The following SLC9A6 variants were observed in gnomAD, a reference collection of about 807,000 sequenced individuals.
SLC9A6 encodes sodium/hydrogen exchanger 6.
In SLC9A6, 6 loss-of-function variants were observed where a neutral mutation model predicts 45.3. The ratio of observed to expected loss-of-function variants is 0.13; its 90% CI spans 0.07 to 0.26. SLC9A6 has a LOEUF of 0.26. SLC9A6 is among the 10% of genes least tolerant of loss of function. The probability of loss-of-function intolerance (pLI) is 1.00; values close to 1 mark genes in which losing one functional copy is unlikely to be tolerated. For synonymous variants in SLC9A6, 191 were observed against 187.7 expected, an observed-to-expected ratio of 1.02 and a Z score of -0.14; for missense variants, 278 against 503.7, an observed-to-expected ratio of 0.55 and a Z score of 4.29.
At chrX:135,976,516 C>T (rs1178575519) in intron 1 of SLC9A6, among the ~76,000 whole-genome samples, 2 of 108,768 alleles carry the variant, frequency 1.8e-5, no homozygotes, top group African/African-American at 6.7e-5. Flanking sequence ...GCAGGAGAAT[C>T]GCTTGAACCC....
Position 136,045,026 on chromosome X carries a change from CT to C in SLC9A6, c.*305del. The stretch of plus-strand genomic sequence containing the variant: ...AAGTGTAAAAAGTGACGGATTTTCT[CT>C]TTCTTAAACTTACCTGACACTTAAC... On this transcript the variant is annotated 3_prime_UTR_variant, in exon 18 of 18. Transcript: ENST00000630721. 8.1e-6 allele frequency: 2 copies of C among 245,949 alleles called. No homozygotes were observed. The highest frequency in any genetic ancestry group is 1.5e-5 in the Non-Finnish European group (2 of 137,492). The allele number at this position is 245,949 out of a possible 1,213,427, so 20.3% of individuals were successfully genotyped here.
intron 10 of SLC9A6, among the ~76,000 whole-genome samples, chrX:136,014,214 G>C (rs192918534): frequency 8.9e-6 from 1 of 112,171 alleles, no homozygotes; most frequent in Non-Finnish European, 1.9e-5. Context: ...TGTGGGATTC[G>C]CCTGAAAAGG....
intron 17 of SLC9A6, among the ~76,000 whole-genome samples, chrX:136,043,980 A>G (rs2071555908): frequency 8.9e-6 from 1 of 111,898 alleles, no homozygotes; most frequent in South Asian, 3.8e-4. Flanking sequence ...TCTTGAGGGC[A>G]GATTGATACA....
At chrX:136,035,919 ATTTTTTTT>A (rs200801813) in intron 16 of SLC9A6, among the ~76,000 whole-genome samples, 1 of 90,865 alleles carries the variant, frequency 1.1e-5, no homozygotes, top group Non-Finnish European at 2.2e-5. Context: ...ACACCCAGCT[ATTTTTTTT>A]TTTTTTTTTC....
At chrX:136,024,305 A>C (rs2071191483) in intron 12 of SLC9A6, 25 bp from the exon 13 acceptor site, 2 of 1,207,432 alleles carry the variant, frequency 1.7e-6, no homozygotes, top group Non-Finnish European at 2.2e-6. Flanking sequence ...GTTATTGAAG[A>C]AATACCTTTT....
rs150729923 is a variant in SLC9A6, at chrX:136,000,921, G to A, written c.638-1187G>A. Among the ~76,000 whole-genome samples, 834 of 111,204 alleles carry A rather than the reference G, an allele frequency of 7.5e-3. 5 individuals are homozygous for A. The highest frequency in any genetic ancestry group is 0.01 in the Non-Finnish European group (550 of 53,025). On this transcript the variant is annotated intron_variant, in intron 6 of 17. Coordinates refer to ENST00000630721, the MANE Select transcript of SLC9A6 (RefSeq NM_001379110.1). ...GATCACTTGAACCTAGGGGTTTGAG[G>A]CTGCAGTGAACTGTGATTGTGCCAC...
At chrX:135,991,975 A>G (rs2089439226) in intron 2 of SLC9A6, among the ~76,000 whole-genome samples, 1 of 111,229 alleles carries the variant, frequency 9.0e-6, no homozygotes, top group Admixed American at 9.6e-5. Flanking sequence ...TCTGACTTCA[A>G]CCATCTTATG....
intron 6 of SLC9A6, among the ~76,000 whole-genome samples, chrX:136,000,448 G>A (rs188323687): frequency 3.9e-4 from 43 of 110,382 alleles, no homozygotes; most frequent in African/African-American, 1.4e-3. Context: ...GCAAGGAGCC[G>A]GTGGTCTCTG....
chrX:136,000,124 G>A (rs1020515133), intron 6 of SLC9A6, among the ~76,000 whole-genome samples: 1 of 108,015 alleles, frequency 9.3e-6, no homozygotes, highest in African/African-American at 3.4e-5. Context: ...GGGAGTGCGT[G>A]CCTGTAGTCC....
At chrX:136,018,273 T>A (rs1048852252) in intron 11 of SLC9A6, among the ~76,000 whole-genome samples, 2 of 111,635 alleles carry the variant, frequency 1.8e-5, no homozygotes, top group Admixed American at 1.9e-4. Context: ...AGTGGGAGAA[T>A]AAGTTGACCA....
chrX:136,041,907 G>A (rs144395183), intron 17 of SLC9A6, among the ~76,000 whole-genome samples: 318 of 111,356 alleles, frequency 2.9e-3, no homozygotes, highest in African/African-American at 0.01. Context: ...TGGCTATCTT[G>A]GACCTTCCTT....
At position 136,045,520 on chromosome X, in the gene SLC9A6, G is replaced by A. The variant is rs1007960970; in HGVS notation, c.*796G>A. The A allele has an allele frequency of 3.6e-5, 4 of 111,886 alleles. No individual in the cohort carries two copies. Among genetic ancestry groups the A allele is most frequent in the African/African-American group, 1.3e-4 (4 of 30,691 alleles). 9.2% of individuals were successfully genotyped at this position (111,886 alleles called of 1,213,427 possible). A position where few individuals can be genotyped will look rare whatever the true frequency, so the allele number is the denominator to read the frequency against. On this transcript the variant is annotated 3_prime_UTR_variant, in exon 18 of 18. Transcript: ENST00000630721. ...CTGGGGTGGGCAGAGAGCAAGAGGC[G>A]AGTAAAGAGAATGGTGGTTTCAGAG... is the stretch of plus-strand genomic sequence containing the variant.
chrX:135,985,403 A>T (rs1195582128), upstream of SLC9A6: 1 of 537,316 alleles, frequency 1.9e-6, no homozygotes, highest in South Asian at 7.9e-5. Flanking sequence ...GCGCGCTCCG[A>T]CGGCTACCCC....
At chrX:135,977,169 G>A (rs1251134050) in intron 1 of SLC9A6, among the ~76,000 whole-genome samples, 2 of 112,270 alleles carry the variant, frequency 1.8e-5, no homozygotes, top group East Asian at 5.6e-4. Context: ...AACCTCATGA[G>A]AAAGTGCATT....
chrX:136,001,269 G>A (rs1474732883), intron 6 of SLC9A6, among the ~76,000 whole-genome samples: 3 of 105,075 alleles, frequency 2.9e-5, no homozygotes, highest in Admixed American at 2.0e-4. Flanking sequence ...CCCGGGAGGC[G>A]GGGCTTGCAG....
At chrX:136,002,349 A>G in intron 7 of SLC9A6, 136 bp downstream of exon 7, 2 of 499,039 alleles carry the variant, frequency 4.0e-6, no homozygotes, top group Non-Finnish European at 7.0e-6. Flanking sequence ...TCTTGAAGAA[A>G]TCCATATTTT....
intron 2 of SLC9A6, among the ~76,000 whole-genome samples, chrX:135,986,838 G>A (rs1010904731): frequency 9.0e-6 from 1 of 111,268 alleles, no homozygotes; most frequent in East Asian, 2.8e-4. Context: ...TAATCTGTGC[G>A]GGTATTGCTA....
At chrX:135,996,677 A>G (rs1194454564) in intron 3 of SLC9A6, among the ~76,000 whole-genome samples, 2 of 111,972 alleles carry the variant, frequency 1.8e-5, no homozygotes, top group Non-Finnish European at 1.9e-5. Flanking sequence ...TTTGCCAACA[A>G]TAATACTGTA....
chrX:136,014,536 G>A (rs1272045234), intron 10 of SLC9A6, among the ~76,000 whole-genome samples: 3 of 112,827 alleles, frequency 2.7e-5, no homozygotes, highest in Non-Finnish European at 3.7e-5. Context: ...AGGCCAAAGC[G>A]GGCGGATCAC....
Sources: gnomAD v4.1 joint callset for allele counts (sites outside exome capture counted in the v4.1 genomes callset) on GRCh38, gnomAD v4.1.1 for gene constraint, MANE v1.5 for transcripts, NCBI Gene and HGNC (gene_info 2026-07-23, HGNC 2026-07-21) for gene names.